The following LRRC37B variants were observed in gnomAD, a reference collection of about 807,000 sequenced individuals.
LRRC37B encodes leucine rich repeat containing 37B.
In LRRC37B, 28 loss-of-function variants were observed where a neutral mutation model predicts 98.3. The observed-to-expected ratio is 0.28, with a 90% CI of 0.21 to 0.39. The LOEUF (loss-of-function observed/expected upper bound fraction) is 0.39. Ranked by LOEUF, LRRC37B falls within the 10% of genes least tolerant of loss-of-function variation. LRRC37B has a pLI of 1.00. For missense variants in LRRC37B, 938 were observed against 1,182.7 expected (o/e 0.79, Z 3.03); for synonymous variants, 364 against 442.7 (o/e 0.82, Z 2.23).
At chr17:32,053,371 A>C in exon 12 of LRRC37B, 1 of 1,457,708 alleles carries the variant, frequency 6.9e-7, no homozygotes, top group Non-Finnish European at 9.3e-7. Flanking sequence ...TATGTTTTTA[A>C]AATTGTTATT....
upstream of LRRC37B, chr17:32,020,806 C>T (rs1598202767): frequency 3.0e-6 from 2 of 662,114 alleles, no homozygotes; most frequent in Non-Finnish European, 4.6e-6. Context: ...AAGGCCAGGT[C>T]CCGTGACTTC....
intron 11 of LRRC37B, 114 bp from the exon 15 acceptor site, chr17:32,053,152 A>G: frequency 1.3e-6 from 1 of 750,620 alleles, no homozygotes; most frequent in African/African-American, 1.8e-5. Flanking sequence ...CCTGTCTTCA[A>G]AAAAGTTATC....
intron 7 of LRRC37B, 163 bp downstream of exon 10, chr17:32,035,802 C>T (rs1911231644): frequency 1.4e-6 from 1 of 692,436 alleles, no homozygotes; most frequent in Non-Finnish European, 2.2e-6. Context: ...TACATAACCA[C>T]CACCACATTC....
At chr17:32,048,535 ATCGAAAGACT>A (rs1251288595) in intron 9 of LRRC37B, among the ~76,000 whole-genome samples, 2 of 151,166 alleles carry the variant, frequency 1.3e-5, no homozygotes, top group Non-Finnish European at 3.0e-5. Flanking sequence ...TCAGAGACAG[ATCGAAAGACT>A]TAGCCTACAC....
intron 2 of LRRC37B, among the ~76,000 whole-genome samples, chr17:32,026,305 G>A (rs1910950838): frequency 1.3e-5 from 2 of 152,136 alleles, no homozygotes; most frequent in Admixed American, 6.5e-5. Flanking sequence ...ACCTGAAGTC[G>A]GGAGTTTGAG....
chr17:32,046,127 G>A (rs1413601986), intron 8 of LRRC37B, among the ~76,000 whole-genome samples: 1 of 152,232 alleles, frequency 6.6e-6, no homozygotes, highest in Non-Finnish European at 1.5e-5. Flanking sequence ...TTTGCCCCCA[G>A]TGATAATTTC....
chr17:32,012,656 C>T (rs60783759), intron 1 of LRRC37B, among the ~76,000 whole-genome samples: 2,911 of 152,100 alleles, frequency 0.019, 77 homozygotes, highest in African/African-American at 0.064. Flanking sequence ...GTGGATATTG[C>T]AGTGAGCTGA....
intron 7 of LRRC37B, among the ~76,000 whole-genome samples, chr17:32,037,272 T>C (rs1911275320): frequency 6.6e-6 from 1 of 151,758 alleles, no homozygotes; most frequent in Non-Finnish European, 1.5e-5. Context: ...TGAGCCACCA[T>C]GTCCAGCCCA....
chr17:32,014,244 A>G (rs1249756206), intron 1 of LRRC37B, among the ~76,000 whole-genome samples: 4 of 152,220 alleles, frequency 2.6e-5, no homozygotes, highest in African/African-American at 7.2e-5. Context: ...GATAAAGGCT[A>G]TGGCCCACAA....
At chr17:32,021,247 C>A in exon 1 of LRRC37B, 2 of 1,612,696 alleles carry the variant, frequency 1.2e-6, no homozygotes, top group Non-Finnish European at 8.5e-7. Context: ...GTCAAGGACC[C>A]GCTCCAGCTG....
At chr17:32,041,237 T>C (rs777214262) in intron 7 of LRRC37B, 24 of 769,858 alleles carry the variant, frequency 3.1e-5, no homozygotes, top group Admixed American at 1.2e-4. Context: ...AGCAGTCCAA[T>C]GGGGGCTTCC....
At chr17:32,023,666 T>G (rs1910866489) in intron 1 of LRRC37B, among the ~76,000 whole-genome samples, 1 of 152,236 alleles carries the variant, frequency 6.6e-6, no homozygotes. Flanking sequence ...CATGGAACAC[T>G]TCATCAGTGC....
At chr17:32,012,128 G>T (rs1461330349) in intron 1 of LRRC37B, among the ~76,000 whole-genome samples, 1 of 152,188 alleles carries the variant, frequency 6.6e-6, no homozygotes, top group Non-Finnish European at 1.5e-5. Context: ...GTTAGGTAAA[G>T]TGTTTCATAA....
intron 7 of LRRC37B, among the ~76,000 whole-genome samples, chr17:32,044,856 C>T (rs1044191487): frequency 6.6e-6 from 1 of 152,196 alleles, no homozygotes; most frequent in Non-Finnish European, 1.5e-5. Flanking sequence ...TGCCACTGTA[C>T]TTCAGCCTAG....
At chr17:32,027,276 C>T (rs1222456746) in intron 2 of LRRC37B, among the ~76,000 whole-genome samples, 2 of 151,938 alleles carry the variant, frequency 1.3e-5, no homozygotes, top group Non-Finnish European at 2.9e-5. Context: ...AGAGAGGAGT[C>T]ATTAAAGATA....
At chr17:32,034,856 T>C (rs1911203733) in intron 5 of LRRC37B, 54 bp from the exon 9 acceptor site, 8 of 1,334,682 alleles carry the variant, frequency 6.0e-6, no homozygotes, top group Non-Finnish European at 8.5e-6. Flanking sequence ...AGACTTTTTA[T>C]GCAGTTTCAC....
intron 5 of LRRC37B, 69 bp from the exon 9 acceptor site, chr17:32,034,839 TGA>T: frequency 8.3e-7 from 1 of 1,207,038 alleles, no homozygotes; most frequent in Non-Finnish European, 1.2e-6. Context: ...TACCAAAAAA[TGA>T]ATATAGACTT....
At chr17:32,039,321 A>G (rs1394272892) in intron 7 of LRRC37B, among the ~76,000 whole-genome samples, 1 of 149,272 alleles carries the variant, frequency 6.7e-6, no homozygotes, top group East Asian at 2.0e-4. Flanking sequence ...CTATATCTAT[A>G]TATATCTTCA....
chr17:32,053,479 G>T, exon 12 of LRRC37B: 1 of 644,632 alleles, frequency 1.6e-6, no homozygotes, highest in Non-Finnish European at 2.6e-6. Flanking sequence ...AATAAAGCTT[G>T]TTAGATCATT....
Sources: allele counts gnomAD v4.1 joint callset (sites outside exome capture counted in the v4.1 genomes callset), GRCh38; gene constraint gnomAD v4.1.1; transcripts MANE v1.5; gene names NCBI Gene and HGNC (gene_info 2026-07-23, HGNC 2026-07-21).